The following HMCN1 variants were observed in gnomAD, a reference collection of about 807,000 sequenced individuals.
HMCN1 encodes hemicentin-1.
In HMCN1, 321 loss-of-function variants were observed where a neutral mutation model predicts 625.9. That is an observed-to-expected ratio of 0.51 (90% CI 0.47 to 0.56). The LOEUF is 0.56. Among genes scored for constraint, HMCN1 ranks in the 20% least tolerant of loss-of-function variants. The pLI, the probability that HMCN1 is intolerant of heterozygous loss-of-function variation, is 0.00. For synonymous variants in HMCN1, 2,425 were observed against 2,417.6 expected, an observed-to-expected ratio of 1.00 and a Z score of -0.09; for missense variants, 6,588 against 6,887.3, an observed-to-expected ratio of 0.96 and a Z score of 1.54.
chr1:185,899,331 A>AT (rs1403989409), intron 4 of HMCN1, among the ~76,000 whole-genome samples: 3 of 152,120 alleles, frequency 2.0e-5, no homozygotes, highest in African/African-American at 7.2e-5. Context: ...GAATATTACA[A>AT]TTTTTTTGTC....
At chr1:186,127,976 G>C in intron 82 of HMCN1, 102 bp from the exon 83 acceptor site, 1 of 959,322 alleles carries the variant, frequency 1.0e-6, no homozygotes, top group Non-Finnish European at 1.6e-6. Flanking sequence ...AATTGTCTTT[G>C]GATAAGAGAG....
intron 71 of HMCN1, among the ~76,000 whole-genome samples, chr1:186,112,489 A>T (rs1198868660): frequency 3.9e-5 from 6 of 152,182 alleles, no homozygotes; most frequent in Non-Finnish European, 5.9e-5. Flanking sequence ...TGATTCTAGG[A>T]AAAAGGGCAC....
At chr1:186,173,926 G>A (rs1021685856) in intron 102 of HMCN1, among the ~76,000 whole-genome samples, 2 of 152,152 alleles carry the variant, frequency 1.3e-5, no homozygotes, top group Non-Finnish European at 2.9e-5. Context: ...ATTGTACTTT[G>A]TATATAGCAA....
At chr1:185,769,390 T>C (rs926233314) in intron 1 of HMCN1, among the ~76,000 whole-genome samples, 2 of 152,118 alleles carry the variant, frequency 1.3e-5, no homozygotes, top group African/African-American at 2.4e-5. Context: ...CAAGGTGCAG[T>C]GAGCCATGAC....
chr1:185,822,803 C>T (rs1660270339), intron 1 of HMCN1, among the ~76,000 whole-genome samples: 1 of 152,028 alleles, frequency 6.6e-6, no homozygotes, highest in African/African-American at 2.4e-5. Flanking sequence ...GTGTTTTTCT[C>T]AGGAAAACAT....
chr1:185,756,885 T>C (rs1374237638), intron 1 of HMCN1, among the ~76,000 whole-genome samples: 2 of 151,994 alleles, frequency 1.3e-5, no homozygotes, highest in African/African-American at 4.8e-5. Context: ...GTCTCTGCTG[T>C]TTTTTTTCCA....
chr1:185,842,588 G>A (rs1331142584), intron 1 of HMCN1, among the ~76,000 whole-genome samples: 1 of 151,810 alleles, frequency 6.6e-6, no homozygotes, highest in Non-Finnish European at 1.5e-5. Flanking sequence ...AAATTGGCTG[G>A]GCATGGTAGC....
At chr1:185,808,422 G>A (rs754693307) in intron 1 of HMCN1, among the ~76,000 whole-genome samples, 1 of 152,092 alleles carries the variant, frequency 6.6e-6, no homozygotes, top group Non-Finnish European at 1.5e-5. Context: ...CAGAGGCTGA[G>A]GTGCGAGTAT....
At chr1:185,743,200 CATGAATGA>C (rs1177873729) in intron 1 of HMCN1, among the ~76,000 whole-genome samples, 1 of 152,146 alleles carries the variant, frequency 6.6e-6, no homozygotes, top group African/African-American at 2.4e-5. Context: ...AGAAATATTT[CATGAATGA>C]ATGAATGAAT....
chr1:186,042,407 C>T (rs745454979), intron 40 of HMCN1, among the ~76,000 whole-genome samples: 1 of 152,124 alleles, frequency 6.6e-6, no homozygotes, highest in Non-Finnish European at 1.5e-5. Flanking sequence ...AGAGGGATGA[C>T]GTTGGTATTG....
At chr1:185,876,898 C>T (rs1331560651) in intron 4 of HMCN1, among the ~76,000 whole-genome samples, 2 of 151,928 alleles carry the variant, frequency 1.3e-5, no homozygotes, top group Non-Finnish European at 2.9e-5. Flanking sequence ...TTTTGCTCTG[C>T]AGGAGGTATT....
chr1:186,115,206 G>A, intron 74 of HMCN1, 52 bp from the exon 75 acceptor site: 1 of 1,597,812 alleles, frequency 6.3e-7, no homozygotes, highest in South Asian at 1.1e-5. Context: ...TATTTCAAAT[G>A]GCACGCTATT....
In HMCN1 at chr1:186,078,204, T is replaced by G. The variant is rs1354363563; in HGVS notation, c.8583T>G (p.Tyr2861Ter). ...VNEAGEDSLQ[Y>*]DVRVLVPPII... ...AGGCTGGAGAAGATTCCCTTCAATA[T>G]GATGTCCGTGTACTCGGTGAGTTTT... is the stretch of plus-strand genomic sequence containing the variant. Residue 2861 changes from tyrosine (Y) to a stop codon, truncating the protein, a stop_gained, in exon 55 of 107, where the codon TAT (tyrosine) becomes TAG (stop). Coordinates refer to ENST00000271588, the MANE Select transcript of HMCN1 (RefSeq NM_031935.3). LOFTEE classifies it high-confidence loss of function. 4.3e-6 allele frequency: 7 copies of G among 1,609,214 alleles called. No individual in the cohort carries two copies. The highest frequency in any genetic ancestry group is 1.3e-5 in the African/African-American group (1 of 74,816).
At chr1:185,829,227 A>G (rs1660704299) in intron 1 of HMCN1, among the ~76,000 whole-genome samples, 1 of 152,148 alleles carries the variant, frequency 6.6e-6, no homozygotes, top group Admixed American at 6.5e-5. Context: ...CAGAAAATAC[A>G]ATTGAAGCCT....
In HMCN1 at chr1:186,151,763, A is replaced by G; in HGVS notation, c.14896+20A>G. ...CAACTGGTTAGTGTCAGCTGAATTTAATATTCTATTACTATAAAAAGTGCC... is the reference window on the plus strand; with the variant it reads ...CAACTGGTTAGTGTCAGCTGAATTTGATATTCTATTACTATAAAAAGTGCC... On this transcript the variant is annotated intron_variant, in intron 95 of 106. Transcript: ENST00000271588. The G allele has an allele frequency of 6.2e-7, 1 of 1,610,994 alleles. No homozygotes were observed. Among genetic ancestry groups the G allele is most frequent in the Non-Finnish European group, 8.5e-7 (1 of 1,177,438 alleles).
chr1:185,951,107 C>A (rs2102532121), intron 11 of HMCN1, among the ~76,000 whole-genome samples: 1 of 151,516 alleles, frequency 6.6e-6, no homozygotes, highest in South Asian at 2.1e-4. Flanking sequence ...GATCGGTCAC[C>A]AAGGAGGGAG....
chr1:186,103,690 A>G, intron 69 of HMCN1, 22 bp downstream of exon 69: 1 of 1,606,348 alleles, frequency 6.2e-7, no homozygotes, highest in Admixed American at 1.7e-5. Flanking sequence ...AGTTCATAGA[A>G]TTATTTTAGG....
chr1:185,757,345 T>G (rs760235571), intron 1 of HMCN1, among the ~76,000 whole-genome samples: 4 of 152,220 alleles, frequency 2.6e-5, no homozygotes, highest in Non-Finnish European at 5.9e-5. Flanking sequence ...ATCGCCTCTC[T>G]CTGCCCTCTC....
chr1:186,152,656 AAG>A, intron 95 of HMCN1, 92 bp from the exon 96 acceptor site: 1 of 1,507,140 alleles, frequency 6.6e-7, no homozygotes, highest in Non-Finnish European at 9.2e-7. Flanking sequence ...TGAACTCAAA[AAG>A]CATAGCTGAA....
Sources: allele counts gnomAD v4.1 joint callset (sites outside exome capture counted in the v4.1 genomes callset), GRCh38; gene constraint gnomAD v4.1.1; transcripts MANE v1.5; gene names NCBI Gene and HGNC (gene_info 2026-07-23, HGNC 2026-07-21).